The following CEP104 variants were observed in gnomAD, a reference collection of about 807,000 sequenced individuals.
The protein encoded by CEP104 is centrosomal protein of 104 kDa.
CEP104 carries 84 observed loss-of-function variants against 113.3 expected under a neutral mutation model. That is an observed-to-expected ratio of 0.74 (90% CI 0.62 to 0.89). The LOEUF (loss-of-function observed/expected upper bound fraction) is 0.89. CEP104 is among the 40% of genes least tolerant of loss of function. The pLI is 0.00. For synonymous variants in CEP104, 378 were observed against 421.7 expected (o/e 0.90, Z 1.27); for missense variants, 1,053 against 1,156.6 (o/e 0.91, Z 1.30).
At chr1:3,841,714 C>T (rs999069070) in intron 6 of CEP104, among the ~76,000 whole-genome samples, 7 of 152,218 alleles carry the variant, frequency 4.6e-5, no homozygotes, top group Non-Finnish European at 8.8e-5. Context: ...TGCACTTAAC[C>T]TTCATAAAAC....
At chr1:3,838,937 C>G (rs768027544) in intron 8 of CEP104, 27 bp downstream of exon 8, 1 of 1,612,778 alleles carries the variant, frequency 6.2e-7, no homozygotes, top group Admixed American at 1.7e-5. Flanking sequence ...AGGCTTTCCT[C>G]CACTCCGTCT....
At chr1:3,824,820 CGGTGGGAAGGGGG>C (rs1644052351) in intron 18 of CEP104, among the ~76,000 whole-genome samples, 1 of 149,152 alleles carries the variant, frequency 6.7e-6, no homozygotes, top group African/African-American at 2.5e-5. Flanking sequence ...GGCAGTGGCA[CGGTGGGAAGGGGG>C]CAGTGGCACC....
At chr1:3,850,758 C>T (rs1644595689) in intron 2 of CEP104, among the ~76,000 whole-genome samples, 1 of 152,000 alleles carries the variant, frequency 6.6e-6, no homozygotes, top group Non-Finnish European at 1.5e-5. Flanking sequence ...ACCAAGGGCA[C>T]ACAGATCCTT....
intron 12 of CEP104, chr1:3,833,551 A>T (rs1186848735): frequency 1.9e-5 from 5 of 261,848 alleles, no homozygotes; most frequent in African/African-American, 1.1e-4. Context: ...TAAGACAGTT[A>T]TATTTTTTAT....
At position 3,812,862 on chromosome 1, in the gene CEP104, CA is replaced by C. The variant is rs1388195322; in HGVS notation, c.*2539del. ...CTCAAACCCCACCACCCCCGCAAAA[CA>C]AAAACAAAAACAAAAAAACAACAAA... On this transcript the variant is annotated 3_prime_UTR_variant, in exon 22 of 22. Transcript: ENST00000378230. The C allele has an allele frequency of 6.6e-6, 1 of 151,774 alleles. No homozygotes were observed. The highest frequency in any genetic ancestry group is 6.6e-5 in the Admixed American group (1 of 15,226). 9.4% of individuals were successfully genotyped at this position (151,774 alleles called of 1,614,324 possible). A position where few individuals can be genotyped will look rare whatever the true frequency, so the allele number is the denominator to read the frequency against.
intron 12 of CEP104, among the ~76,000 whole-genome samples, chr1:3,831,869 C>T (rs886820009): frequency 2.0e-5 from 3 of 152,224 alleles, no homozygotes; most frequent in Non-Finnish European, 2.9e-5. Context: ...TCGTGCTGGC[C>T]TGACTCACTC....
At chr1:3,829,082 C>T (rs1056060784) in intron 15 of CEP104, among the ~76,000 whole-genome samples, 184 bp downstream of exon 15, 2 of 152,176 alleles carry the variant, frequency 1.3e-5, no homozygotes, top group African/African-American at 4.8e-5. Flanking sequence ...GTATCTGCCA[C>T]CCAATTCCAC....
intron 6 of CEP104, among the ~76,000 whole-genome samples, chr1:3,842,402 A>G (rs562165651): frequency 2.0e-5 from 3 of 152,274 alleles, no homozygotes; most frequent in Admixed American, 2.0e-4. Context: ...TTTTATAGAC[A>G]TTACATGAAT....
At position 3,847,612 on chromosome 1, in the gene CEP104, A is replaced by G. The variant is rs1292367168; in HGVS notation, c.289T>C (p.Tyr97His). 1.5e-5 allele frequency: 25 copies of G among 1,614,194 alleles called. No homozygotes were observed. The highest frequency in any genetic ancestry group is 2.1e-5 in the Non-Finnish European group (25 of 1,180,044). The change falls in exon 4 of 22, where the codon TAC becomes CAC. Residue 97 changes from tyrosine to histidine, a missense_variant and splice_region_variant. By Grantham distance (83) the Tyr-to-His change is moderately conservative. Coordinates refer to ENST00000378230, the MANE Select transcript of CEP104 (RefSeq NM_014704.4). Reference protein sequence around the residue: ...YQAERFRRLGYVSLCDNEKTG... With the variant: ...YQAERFRRLGHVSLCDNEKTG... ...TTTTCATTATCACAGAGAGACACGTAGCTGAAAAACAAAACACAACTGAAG... is the reference window on the plus strand; with the variant it reads ...TTTTCATTATCACAGAGAGACACGTGGCTGAAAAACAAAACACAACTGAAG...
chr1:3,820,459 C>T (rs978107979), intron 20 of CEP104, among the ~76,000 whole-genome samples: 1 of 33,156 alleles, frequency 3.0e-5, no homozygotes, highest in African/African-American at 3.6e-4. Context: ...AAAAGCAGCC[C>T]CTGGAGGAAG....
Position 3,816,304 on chromosome 1 carries a change from G to A in CEP104, c.2638C>T (p.Gln880Ter). The change falls in exon 21 of 22, where the codon CAG becomes TAG. Residue 880 changes from glutamine (Q) to a stop codon, truncating the protein, a stop_gained. Transcript: ENST00000378230. LOFTEE classifies it low-confidence loss of function (END_TRUNC). ...TMNLRKTHIL[Q>*]KAPALQPGKS... ...CCTGGCTGCAGTGCCGGGGCCTTCT[G>A]CAGAATGTGTGTCTTGCGCAGGTTC... 1.3e-6 allele frequency: 2 copies of A among 1,553,214 alleles called. No individual in the cohort carries two copies. Among genetic ancestry groups the A allele is most frequent in the Non-Finnish European group, 1.7e-6 (2 of 1,147,818 alleles).
Position 3,848,669 on chromosome 1 carries a change from T to C in CEP104, c.226A>G (p.Ile76Val), listed in dbSNP as rs1475800920. The C allele has an allele frequency of 2.5e-6, 4 of 1,614,008 alleles. No individual in the cohort carries two copies. Among genetic ancestry groups the C allele is most frequent in the East Asian group, 2.2e-5 (1 of 44,882 alleles). ...AAATATTCAGGCAAGCTTTCACTAA[T>C]GTAGAACTCAATTTTACTTGAAATC... ...YMISSKIEFY[I>V]SESLPEYFAP... The change falls in exon 3 of 22, where the codon ATT (isoleucine) becomes GTT (valine). Residue 76 changes from isoleucine (I) to valine (V), a missense_variant. By Grantham distance (29) the Ile-to-Val change is conservative (BLOSUM62 3). Coordinates refer to ENST00000378230, the MANE Select transcript of CEP104 (RefSeq NM_014704.4).
At chr1:3,841,992 A>G (rs1353693755) in intron 6 of CEP104, among the ~76,000 whole-genome samples, 1 of 152,234 alleles carries the variant, frequency 6.6e-6, no homozygotes, top group Non-Finnish European at 1.5e-5. Flanking sequence ...CAGTGCTTCC[A>G]TCCAATTGCC....
chr1:3,846,440 G>A (rs569217952), intron 4 of CEP104, among the ~76,000 whole-genome samples: 2 of 152,320 alleles, frequency 1.3e-5, no homozygotes, highest in Admixed American at 1.3e-4. Flanking sequence ...TCATGTCAGT[G>A]AAGTGCTGCT....
chr1:3,856,731 G>A (rs949267677), intron 1 of CEP104, among the ~76,000 whole-genome samples, 158 bp downstream of exon 1: 1 of 152,070 alleles, frequency 6.6e-6, no homozygotes, highest in Non-Finnish European at 1.5e-5. Flanking sequence ...CAGCAAGGCC[G>A]GCATCTAACT....
At chr1:3,818,639 C>G (rs953287734) in intron 20 of CEP104, among the ~76,000 whole-genome samples, 2 of 152,228 alleles carry the variant, frequency 1.3e-5, no homozygotes, top group Non-Finnish European at 2.9e-5. Flanking sequence ...CTTCCACTCA[C>G]TTTGAAGAAT....
At chr1:3,816,067 C>T (rs115323876) in intron 21 of CEP104, 101 of 529,720 alleles carry the variant, frequency 1.9e-4, no homozygotes, top group African/African-American at 1.6e-3. Flanking sequence ...TCGCACTGCA[C>T]AGCCAGTTTG....
Position 3,838,977 on chromosome 1 carries a change from A to G in CEP104, c.878T>C (p.Leu293Pro). Residue 293 changes from leucine (L) to proline (P), a missense_variant, in exon 8 of 22, where the codon CTG becomes CCG. Coordinates refer to ENST00000378230, the MANE Select transcript of CEP104 (RefSeq NM_014704.4). The stretch of plus-strand genomic sequence containing the variant: ...TCCTGCACCCACCAGCTCGGCATCC[A>G]GGAGGCTGTGCAGCTCCAGCTGCTC... ...VYEQLELHSL[L>P]DAELMRRPFD... The G allele has an allele frequency of 6.2e-7, 1 of 1,614,102 alleles. No homozygotes were observed. Among genetic ancestry groups the G allele is most frequent in the Non-Finnish European group, 8.5e-7 (1 of 1,180,014 alleles).
Position 3,830,980 on chromosome 1 carries a change from C to T in CEP104, c.1836+66G>A, listed in dbSNP as rs368427201. The T allele has an allele frequency of 1.0e-4, 152 of 1,455,626 alleles. 1 individual carries two copies. The African/African-American group carries it at 1.2e-3, about 11-fold the overall frequency. The allele number at this position is 1,455,626 out of a possible 1,614,324, so 90.2% of individuals were successfully genotyped here. ...CTTCAACAAATGCCGATGAGACCCT[C>T]GCCACGCTCCAGGCACTGTGGTGAG... On this transcript the variant is annotated intron_variant, in intron 13 of 21. Coordinates refer to ENST00000378230, the MANE Select transcript of CEP104 (RefSeq NM_014704.4).
Sources: allele counts gnomAD v4.1 joint callset (sites outside exome capture counted in the v4.1 genomes callset), GRCh38; gene constraint gnomAD v4.1.1; transcripts MANE v1.5; gene names NCBI Gene and HGNC (gene_info 2026-07-23, HGNC 2026-07-21).